BANK1: variants seen among roughly 807,000 people sequenced by gnomAD.
The protein encoded by BANK1 is B cell scaffold protein with ankyrin repeats 1.
A neutral mutation model predicts 94.5 loss-of-function variants in BANK1; 95 were observed. The ratio of observed to expected loss-of-function variants is 1.00; its 90% confidence interval spans 0.85 to 1.19. The LOEUF is 1.19. Among genes scored for constraint, BANK1 ranks in the 50% most tolerant of loss-of-function variants. The probability of loss-of-function intolerance (pLI) is 0.00; values close to 1 mark genes in which losing one functional copy is unlikely to be tolerated. For synonymous variants in BANK1, 334 were observed against 308.4 expected (o/e 1.08, Z -0.87); for missense variants, 987 against 932.2 (o/e 1.06, Z -0.77).
intron 10 of BANK1, among the ~76,000 whole-genome samples, chr4:102,032,846 C>A (rs527544567): frequency 1.1e-4 from 16 of 151,840 alleles, no homozygotes; most frequent in African/African-American, 3.6e-4. Flanking sequence ...CATCGCACCA[C>A]TCCACTCCAG....
chr4:101,968,106 TAAG>T (rs1306402302), intron 7 of BANK1, among the ~76,000 whole-genome samples: 2 of 151,916 alleles, frequency 1.3e-5, no homozygotes, highest in Non-Finnish European at 2.9e-5. Context: ...CCACAGATGA[TAAG>T]AAGAAATGCC....
intron 2 of BANK1, among the ~76,000 whole-genome samples, chr4:101,833,055 C>T (rs1047370735): frequency 1.3e-5 from 2 of 152,112 alleles, no homozygotes; most frequent in East Asian, 3.9e-4. Flanking sequence ...TCTCAGCTCA[C>T]TGCAACCTCC....
At chr4:101,814,569 A>T (rs1475287834) in intron 1 of BANK1, among the ~76,000 whole-genome samples, 2 of 152,216 alleles carry the variant, frequency 1.3e-5, no homozygotes, top group Non-Finnish European at 2.9e-5. Context: ...TGAGAACCTC[A>T]AGAAACGGAC....
chr4:101,976,965 A>T (rs1428206708), intron 7 of BANK1: 1 of 152,080 alleles, frequency 6.6e-6, no homozygotes. Flanking sequence ...AAATATTATG[A>T]ATTAGAAAGT....
rs1727242625 is a variant in BANK1 at position 102,030,161 on chromosome 4, A to T, written c.1796A>T (p.Lys599Ile). 1 of 1,614,144 alleles carries T rather than the reference A, an allele frequency of 6.2e-7. No individual in the cohort carries two copies. Residue 599 changes from lysine to isoleucine, a missense_variant, in exon 10 of 17, where the codon AAA becomes ATA. Transcript: ENST00000322953. ...DMILANLSIK[K>I]KTGSRSFIIN... ...ATATTGGCCAATCTGAGTATAAAGA[A>T]AAAAACTGGGAGTCGGTCTTTCATT...
intron 2 of BANK1, among the ~76,000 whole-genome samples, chr4:101,850,784 C>G (rs1727444600): frequency 6.6e-6 from 1 of 152,150 alleles, no homozygotes; most frequent in Admixed American, 6.6e-5. Context: ...TGATCTGTGA[C>G]AAATGATCTT....
intron 7 of BANK1, among the ~76,000 whole-genome samples, chr4:102,012,790 T>C (rs1726552648): frequency 2.6e-5 from 4 of 152,120 alleles, no homozygotes; most frequent in African/African-American, 9.7e-5. Flanking sequence ...CATTTGGTTT[T>C]CTTTGACCCG....
intron 7 of BANK1, among the ~76,000 whole-genome samples, chr4:101,938,792 C>T (rs72686769): frequency 0.013 from 2,025 of 151,676 alleles, 22 homozygotes; most frequent in Middle Eastern, 0.034. Context: ...TATATGTTCT[C>T]TGTTCATATC....
Position 102,025,489 on chromosome 4 carries a change from G to T in BANK1, c.1574G>T (p.Arg525Ile). 6.2e-7 allele frequency: 1 copy of T among 1,613,512 alleles called. No individual in the cohort carries two copies. Among genetic ancestry groups the T allele is most frequent in the East Asian group, 2.2e-5 (1 of 44,876 alleles). Residue 525 changes from arginine to isoleucine, a missense_variant, in exon 9 of 17, where the codon AGA becomes ATA. Transcript: ENST00000322953. ...RPVANAFQLE[R>I]PHFTLPGTMV... Reference sequence around the variant, plus strand: ...GTAGCTAATGCCTTCCAACTGGAAAGACCTCACTTCACCTTACCAGGTAAG... The same window carrying T: ...GTAGCTAATGCCTTCCAACTGGAAATACCTCACTTCACCTTACCAGGTAAG...
chr4:101,821,705 G>A (rs1021763555), intron 1 of BANK1, among the ~76,000 whole-genome samples: 14 of 152,170 alleles, frequency 9.2e-5, no homozygotes, highest in Admixed American at 8.5e-4. Flanking sequence ...GGATAGTGAA[G>A]CATTCAAACT....
intron 6 of BANK1, among the ~76,000 whole-genome samples, chr4:101,897,364 A>T (rs1023160363): frequency 3.3e-5 from 5 of 151,992 alleles, no homozygotes; most frequent in African/African-American, 1.2e-4. Context: ...CTGTTTTTAT[A>T]TGTAAAGAAT....
At chr4:102,017,052 A>G (rs968280897) in intron 7 of BANK1, among the ~76,000 whole-genome samples, 7 of 152,224 alleles carry the variant, frequency 4.6e-5, no homozygotes, top group African/African-American at 1.2e-4. Context: ...CTGGAAAAAT[A>G]TTCAAATTAT....
intron 5 of BANK1, among the ~76,000 whole-genome samples, chr4:101,888,899 T>C (rs1388584239): frequency 6.6e-6 from 1 of 152,170 alleles, no homozygotes; most frequent in East Asian, 1.9e-4. Context: ...TGTCCTAAAA[T>C]GCTTTCAAAT....
intron 7 of BANK1, among the ~76,000 whole-genome samples, chr4:101,986,875 G>GTATATATATA (rs1725513876): frequency 1.7e-5 from 1 of 58,926 alleles, no homozygotes; most frequent in African/African-American, 7.9e-5. Context: ...ATGTGTGTAT[G>GTATATATATA]TGTGTGTGTG....
chr4:101,986,855 GTATATATATA>G (rs769659546), intron 7 of BANK1, among the ~76,000 whole-genome samples: 20,014 of 76,354 alleles, frequency 0.26, 3,955 homozygotes, highest in Middle Eastern at 0.35. Flanking sequence ...GTATATATAT[GTATATATATA>G]TGTGTGTATG....
intron 1 of BANK1, among the ~76,000 whole-genome samples, chr4:101,794,030 A>G (rs776474244): frequency 6.6e-6 from 1 of 152,170 alleles, no homozygotes; most frequent in Non-Finnish European, 1.5e-5. Flanking sequence ...AGATACTGCA[A>G]TATCCTTGGG....
intron 7 of BANK1, among the ~76,000 whole-genome samples, chr4:101,936,298 C>A (rs1033188402): frequency 1.3e-5 from 2 of 150,084 alleles, no homozygotes; most frequent in Non-Finnish European, 3.0e-5. Context: ...TATATGCACA[C>A]ATACATGCAT....
rs377520845 is a variant in BANK1, at chr4:102,025,453, C to T, written c.1538C>T (p.Pro513Leu). Residue 513 changes from proline to leucine, a missense_variant, in exon 9 of 17, where the codon CCG (proline) becomes CTG (leucine). Coordinates refer to ENST00000322953, the MANE Select transcript of BANK1 (RefSeq NM_017935.5). Reference protein sequence around the residue: ...PLMSSRPPLPPPRPVANAFQL... With the variant: ...PLMSSRPPLPLPRPVANAFQL... ...ATGAGCAGCAGACCTCCTCTCCCCC[C>T]GCCGCGACCTGTAGCTAATGCCTTC... 7.9e-5 allele frequency: 128 copies of T among 1,614,078 alleles called. No individual in the cohort carries two copies. Among genetic ancestry groups the T allele is most frequent in the Middle Eastern group, 1.7e-4 (1 of 6,056 alleles).
chr4:101,845,238 CAA>C (rs1380696033), intron 2 of BANK1, among the ~76,000 whole-genome samples: 7 of 151,768 alleles, frequency 4.6e-5, no homozygotes, highest in Non-Finnish European at 1.0e-4. Flanking sequence ...TATGTACCAA[CAA>C]AAGTTAAAAA....
Sources: allele counts gnomAD v4.1 joint callset (sites outside exome capture counted in the v4.1 genomes callset), GRCh38; gene constraint gnomAD v4.1.1; transcripts MANE v1.5; gene names NCBI Gene and HGNC (gene_info 2026-07-23, HGNC 2026-07-21).